The following CENPK variants were observed in gnomAD, a reference collection of about 807,000 sequenced individuals.
CENPK encodes centromere protein K, also known as SoxLZ/Sox6-binding protein Solt.
A neutral mutation model predicts 40.9 loss-of-function variants in CENPK; 46 were observed. That is an observed-to-expected ratio of 1.13 (90% CI 0.89 to 1.44). The LOEUF (loss-of-function observed/expected upper bound fraction) is 1.44. Ranked by LOEUF, CENPK falls within the 40% of genes most tolerant of loss-of-function variation. CENPK has a pLI of 0.00. For missense variants in CENPK, 288 were observed against 303.5 expected, an observed-to-expected ratio of 0.95 and a Z score of 0.38; for synonymous variants, 107 against 104.4, an observed-to-expected ratio of 1.02 and a Z score of -0.15.
chr5:65,514,823 T>A (rs1491003740), downstream of CENPK, among the ~76,000 whole-genome samples: 1 of 152,226 alleles, frequency 6.6e-6, no homozygotes, highest in East Asian at 1.9e-4. Flanking sequence ...TTTCATCTGT[T>A]ATCAAATTTG....
the CENPK span, among the ~76,000 whole-genome samples, chr5:65,509,071 C>T: frequency 1.3e-5 from 2 of 152,034 alleles, no homozygotes; most frequent in African/African-American, 4.8e-5. Flanking sequence ...ATAAGAGTAC[C>T]CACTTTAAAC....
chr5:65,540,562 A>C (rs1271424268), intron 6 of CENPK, among the ~76,000 whole-genome samples: 1 of 152,176 alleles, frequency 6.6e-6, no homozygotes, highest in Non-Finnish European at 1.5e-5. Flanking sequence ...CCACCCCTGA[A>C]AACTCTGGGA....
chr5:65,550,050 C>T (rs1326527295), intron 5 of CENPK, among the ~76,000 whole-genome samples: 1 of 151,860 alleles, frequency 6.6e-6, no homozygotes, highest in East Asian at 1.9e-4. Flanking sequence ...CACCTGCAAT[C>T]CCAGCTACTT....
intron 6 of CENPK, among the ~76,000 whole-genome samples, chr5:65,539,812 T>C (rs1747633227): frequency 6.6e-6 from 1 of 152,372 alleles, no homozygotes; most frequent in Non-Finnish European, 1.5e-5. Flanking sequence ...TCCCCTGGCT[T>C]GCACTTTCTG....
chr5:65,553,057 T>C (rs924597601), intron 3 of CENPK, among the ~76,000 whole-genome samples: 8 of 152,074 alleles, frequency 5.3e-5, no homozygotes, highest in Non-Finnish European at 1.2e-4. Context: ...AAATTTTAAG[T>C]CATTTTAAAA....
At position 65,554,920 on chromosome 5, in the gene CENPK, T is replaced by C. The variant is rs748100479; in HGVS notation, c.-13A>G. The C allele has an allele frequency of 6.8e-7, 1 of 1,468,426 alleles. No individual in the cohort carries two copies. The highest frequency in any genetic ancestry group is 1.4e-5 in the African/African-American group (1 of 71,510). The allele number at this position is 1,468,426 out of a possible 1,614,324, so 91.0% of individuals were successfully genotyped here. On this transcript the variant is annotated 5_prime_UTR_variant, in exon 3 of 11. Transcript: ENST00000396679. ...CCTCCTGATTCATTGATATATGCTT[T>C]GTGAATTTTTAGCCTTATAAGAAAA...
intron 6 of CENPK, among the ~76,000 whole-genome samples, chr5:65,531,829 G>T (rs940870014): frequency 6.6e-6 from 1 of 151,888 alleles, no homozygotes; most frequent in African/African-American, 2.4e-5. Flanking sequence ...AGAAAAGAAA[G>T]CTCTCAAATT....
At chr5:65,532,775 G>A (rs1200969503) in intron 6 of CENPK, among the ~76,000 whole-genome samples, 12 of 151,508 alleles carry the variant, frequency 7.9e-5, no homozygotes, top group Non-Finnish European at 1.5e-5. Context: ...CAGGCATGGT[G>A]GAGCATGCCT....
chr5:65,510,541 G>A, the CENPK span, among the ~76,000 whole-genome samples: 61,780 of 151,874 alleles, frequency 0.41, 12,921 homozygotes, highest in East Asian at 0.65. Flanking sequence ...TTGGGAGGCC[G>A]AGAAGGGCAG....
intron 6 of CENPK, 155 bp from the exon 7 acceptor site, chr5:65,529,354 T>C (rs1368947005): frequency 1.5e-5 from 8 of 548,158 alleles, no homozygotes; most frequent in Middle Eastern, 4.7e-4. Flanking sequence ...AAATATACAG[T>C]AGGCGCTAAA....
At chr5:65,521,825 T>C (rs538220388) in intron 9 of CENPK, among the ~76,000 whole-genome samples, 1 of 152,302 alleles carries the variant, frequency 6.6e-6, no homozygotes, top group Non-Finnish European at 1.5e-5. Flanking sequence ...GGTCTCGAGC[T>C]CCTGACCCTC....
At chr5:65,539,391 T>C (rs956112653) in intron 6 of CENPK, among the ~76,000 whole-genome samples, 2 of 152,220 alleles carry the variant, frequency 1.3e-5, no homozygotes, top group African/African-American at 2.4e-5. Context: ...ATCAAACATG[T>C]TATGGGCTTC....
downstream of CENPK, among the ~76,000 whole-genome samples, chr5:65,515,291 C>T (rs570341289): frequency 2.0e-4 from 30 of 148,678 alleles, no homozygotes; most frequent in African/African-American, 7.4e-4. Context: ...GCAAGCTCCG[C>T]CTCCCGGGTT....
At chr5:65,538,217 G>C (rs1747313793) in intron 6 of CENPK, among the ~76,000 whole-genome samples, 1 of 152,110 alleles carries the variant, frequency 6.6e-6, no homozygotes, top group South Asian at 2.1e-4. Context: ...TTGGTTCCCT[G>C]AAGTGTCTCT....
At chr5:65,498,647 T>TA in the CENPK span, among the ~76,000 whole-genome samples, 1 of 138,184 alleles carries the variant, frequency 7.2e-6, no homozygotes, top group Non-Finnish European at 1.6e-5. Flanking sequence ...TTTTTTTTTT[T>TA]AGAGACAGGG....
intron 9 of CENPK, among the ~76,000 whole-genome samples, chr5:65,527,755 C>CA (rs1744985858): frequency 6.6e-6 from 1 of 151,720 alleles, no homozygotes; most frequent in African/African-American, 2.4e-5. Context: ...AAAAACCACC[C>CA]ACAATCCTAG....
At chr5:65,503,805 T>G in the CENPK span, among the ~76,000 whole-genome samples, 1 of 151,842 alleles carries the variant, frequency 6.6e-6, no homozygotes, top group Non-Finnish European at 1.5e-5. Context: ...TACAAGCACG[T>G]GCCACCACGC....
intron 5 of CENPK, chr5:65,550,609 T>G (rs928214004): frequency 1.3e-5 from 2 of 152,202 alleles, no homozygotes; most frequent in African/African-American, 4.8e-5. Context: ...CTTAAAAGTC[T>G]AAAATACTGT....
chr5:65,556,549 T>C (rs115554623), intron 2 of CENPK, among the ~76,000 whole-genome samples: 2,223 of 152,330 alleles, frequency 0.015, 46 homozygotes, highest in African/African-American at 0.051. Context: ...AAGCTGTTTT[T>C]ATGAAAGAGT....
Sources: gnomAD v4.1 joint callset for allele counts (sites outside exome capture counted in the v4.1 genomes callset) on GRCh38, gnomAD v4.1.1 for gene constraint, MANE v1.5 for transcripts, NCBI Gene and HGNC (gene_info 2026-07-23, HGNC 2026-07-21) for gene names.